The following SH3BGR variants were observed in gnomAD, a reference collection of about 807,000 sequenced individuals.
SH3BGR encodes SH3 domain binding glutamate rich protein.
Under a neutral mutation model 24.5 loss-of-function variants are expected in SH3BGR, and 29 were observed. The observed-to-expected ratio is 1.18, with a 90% CI of 0.88 to 1.61. The LOEUF (loss-of-function observed/expected upper bound fraction) is 1.61, where lower values mean the gene tolerates loss of function less well. Ranked by LOEUF, SH3BGR falls within the 40% of genes most tolerant of loss-of-function variation. The probability of loss-of-function intolerance (pLI) is 0.00; values close to 1 mark genes in which losing one functional copy is unlikely to be tolerated. For synonymous variants in SH3BGR, 55 were observed against 65.7 expected (o/e 0.84, Z 0.79); for missense variants, 162 against 205.8 (o/e 0.79, Z 1.30).
At chr21:39,508,870 A>G (rs752301887) in intron 4 of SH3BGR, 128 bp from the exon 5 acceptor site, 29 of 602,768 alleles carry the variant, frequency 4.8e-5, no homozygotes, top group Non-Finnish European at 6.9e-5. Context: ...TACTTATTTT[A>G]TGGATAAACT....
At chr21:39,454,079 C>T (rs979040079) in intron 1 of SH3BGR, among the ~76,000 whole-genome samples, 4 of 152,092 alleles carry the variant, frequency 2.6e-5, no homozygotes, top group African/African-American at 9.7e-5. Flanking sequence ...TTTCCAGAAC[C>T]ACATACATGA....
intron 1 of SH3BGR, 40 bp from the exon 2 acceptor site, chr21:39,462,335 T>C: frequency 6.7e-7 from 1 of 1,488,486 alleles, no homozygotes; most frequent in Non-Finnish European, 9.1e-7. Context: ...AAGCAAAATA[T>C]TTTTCATAAA....
intron 3 of SH3BGR, among the ~76,000 whole-genome samples, chr21:39,496,228 C>T (rs964575692): frequency 5.9e-5 from 9 of 152,078 alleles, no homozygotes; most frequent in East Asian, 1.9e-4. Context: ...TGGCCGGGCG[C>T]GGTGGCTCAC....
intron 3 of SH3BGR, among the ~76,000 whole-genome samples, chr21:39,481,880 G>A (rs1267929578): frequency 6.6e-6 from 1 of 152,138 alleles, no homozygotes; most frequent in Non-Finnish European, 1.5e-5. Context: ...TGGGTAAAAG[G>A]CATTAGGTGA....
Position 39,511,895 on chromosome 21 carries a change from A to G in SH3BGR, c.*34+86A>G. On this transcript the variant is annotated intron_variant, in intron 6 of 6. Coordinates refer to ENST00000333634, the MANE Select transcript of SH3BGR (RefSeq NM_007341.3). This position sits in a 1 kb window ranked among gnomAD's most constrained non-coding sequence, Gnocchi z 4.2. ...CACATTTTGCTTAGTAACAGGAGAA[A>G]GGGAATTCCAATTCAGGGCTGTCTG... The G allele has an allele frequency of 7.9e-7, 1 of 1,267,702 alleles. No individual in the cohort carries two copies. Among genetic ancestry groups the G allele is most frequent in the Non-Finnish European group, 1.1e-6 (1 of 939,836 alleles). 78.5% of individuals were successfully genotyped at this position (1,267,702 alleles called of 1,614,324 possible).
intron 2 of SH3BGR, among the ~76,000 whole-genome samples, chr21:39,466,845 G>A (rs141623850): frequency 3.3e-4 from 51 of 152,258 alleles, no homozygotes; most frequent in African/African-American, 1.1e-3. Flanking sequence ...TATCACCATA[G>A]ATGTTGCAAA....
Position 39,511,037 on chromosome 21 carries a change from G to A in SH3BGR, c.436-643G>A, listed in dbSNP as rs529588099. On this transcript the variant is annotated intron_variant, in intron 5 of 6. Coordinates refer to ENST00000333634, the MANE Select transcript of SH3BGR (RefSeq NM_007341.3). The surrounding 1 kb of genome is among the most constrained non-coding windows in gnomAD (Gnocchi z 4.2). Reference sequence around the variant, plus strand: ...TTAGGTGGGATTATAAAACCTGTTAGGATTAACATATCATTCTAAAGCACC... The same window carrying A: ...TTAGGTGGGATTATAAAACCTGTTAAGATTAACATATCATTCTAAAGCACC... Among the ~76,000 whole-genome samples the A allele has an allele frequency of 6.7e-6, 1 of 150,014 alleles. No individual in the cohort carries two copies. The highest frequency in any genetic ancestry group is 1.5e-5 in the Non-Finnish European group (1 of 67,706).
chr21:39,510,365 T>TACGCACAC (rs1555915353), intron 5 of SH3BGR, among the ~76,000 whole-genome samples: 1 of 115,772 alleles, frequency 8.6e-6, no homozygotes, highest in African/African-American at 3.2e-5. Flanking sequence ...TGTAGCTACA[T>TACGCACAC]ACACACACAC....
chr21:39,490,770 ACTGT>A (rs2078286289), intron 3 of SH3BGR, among the ~76,000 whole-genome samples: 1 of 146,494 alleles, frequency 6.8e-6, no homozygotes, highest in Non-Finnish European at 1.5e-5. Flanking sequence ...ACAGTCTCAC[ACTGT>A]CTGGAGTGCG....
intron 3 of SH3BGR, among the ~76,000 whole-genome samples, chr21:39,498,492 A>G (rs922630150): frequency 3.9e-5 from 6 of 152,192 alleles, no homozygotes; most frequent in Non-Finnish European, 8.8e-5. Flanking sequence ...TGACTGCCCT[A>G]CCTACTTAGT....
At chr21:39,484,035 A>T (rs1229620686) in intron 3 of SH3BGR, among the ~76,000 whole-genome samples, 2 of 152,250 alleles carry the variant, frequency 1.3e-5, no homozygotes, top group Non-Finnish European at 2.9e-5. Context: ...GTTTCAGTAG[A>T]ACCCAGGATA....
intron 1 of SH3BGR, among the ~76,000 whole-genome samples, chr21:39,460,997 A>G (rs899037055): frequency 6.6e-6 from 1 of 151,990 alleles, no homozygotes; most frequent in Non-Finnish European, 1.5e-5. Context: ...TGTCTTCCCA[A>G]TTCTGACTTA....
chr21:39,481,314 A>G (rs1234824064), intron 3 of SH3BGR, among the ~76,000 whole-genome samples: 1 of 152,164 alleles, frequency 6.6e-6, no homozygotes, highest in African/African-American at 2.4e-5. Context: ...ACAAACAAAA[A>G]CAAACAAACT....
chr21:39,474,988 G>GAAATCTC, intron 2 of SH3BGR, 147 bp from the exon 3 acceptor site: 1 of 581,100 alleles, frequency 1.7e-6, no homozygotes. Flanking sequence ...AACTCTGGAG[G>GAAATCTC]TTAGTCATCT....
chr21:39,495,221 A>G (rs1602148714), intron 3 of SH3BGR, among the ~76,000 whole-genome samples: 1 of 152,116 alleles, frequency 6.6e-6, no homozygotes. Context: ...TTCTCTTGAG[A>G]ATGAGTAACA....
At chr21:39,485,622 T>A (rs1412176450) in intron 3 of SH3BGR, among the ~76,000 whole-genome samples, 1 of 152,176 alleles carries the variant, frequency 6.6e-6, no homozygotes, top group East Asian at 1.9e-4. Flanking sequence ...TGAACCCATC[T>A]GCTTCTCAAC....
At chr21:39,468,677 AATC>A (rs2077884037) in intron 2 of SH3BGR, among the ~76,000 whole-genome samples, 1 of 152,160 alleles carries the variant, frequency 6.6e-6, no homozygotes, top group Non-Finnish European at 1.5e-5. Context: ...GGGCTCAAGC[AATC>A]CTCCTGCCTT....
chr21:39,450,027 A>C (rs192124796), upstream of SH3BGR, among the ~76,000 whole-genome samples: 1 of 152,322 alleles, frequency 6.6e-6, no homozygotes, highest in East Asian at 1.9e-4. Context: ...AGAGCACCTG[A>C]GAATCCAGCT....
At chr21:39,501,595 C>T (rs1176736170) in intron 4 of SH3BGR, among the ~76,000 whole-genome samples, 1 of 152,096 alleles carries the variant, frequency 6.6e-6, no homozygotes, top group Non-Finnish European at 1.5e-5. Flanking sequence ...TCTTTAATGC[C>T]ATTTATCCTA....
Sources: gnomAD v4.1 joint callset for allele counts (sites outside exome capture counted in the v4.1 genomes callset) on GRCh38, gnomAD v4.1.1 for gene constraint, Gnocchi (gnomAD v3.1) non-coding constraint, MANE v1.5 for transcripts, NCBI Gene and HGNC (gene_info 2026-07-23, HGNC 2026-07-21) for gene names.